The following SEC23A variants were observed in gnomAD, a reference collection of about 807,000 sequenced individuals.
SEC23A encodes protein transport protein Sec23A.
SEC23A carries 56 observed loss-of-function variants against 103.7 expected under a neutral mutation model. That is an observed-to-expected ratio of 0.54 (90% CI 0.44 to 0.67). SEC23A has a LOEUF of 0.67. Among genes scored for constraint, SEC23A ranks in the 30% least tolerant of loss-of-function variants. The pLI is 0.00. For missense variants in SEC23A, 784 were observed against 936.4 expected (o/e 0.84, Z 2.12); for synonymous variants, 281 against 293.0 (o/e 0.96, Z 0.42).
Position 39,075,995 on chromosome 14 carries a change from A to G in SEC23A, c.927T>C (p.Pro309=), listed in dbSNP as rs17108797. 0.059 allele frequency: 95,028 copies of G among 1,613,692 alleles called. 3,273 individuals carry two copies. Among genetic ancestry groups the G allele is most frequent in the Middle Eastern group, 0.069 (416 of 6,060 alleles). The part of the protein sequence containing the change: ...GMVVGDELKT[P]IRSWHDIDKD... Reference sequence around the variant, plus strand: ...TGTCAATGTCATGCCACGATCTTATAGGTGTCTTCAACTCATCTCCAACCA... The same window carrying G: ...TGTCAATGTCATGCCACGATCTTATGGGTGTCTTCAACTCATCTCCAACCA... Residue 309 remains proline, a synonymous_variant, in exon 8 of 20, where the codon CCT becomes CCC. Transcript: ENST00000307712.
At chr14:39,039,560 G>A in intron 18 of SEC23A, 1 of 158,122 alleles carries the variant, frequency 6.3e-6, no homozygotes, top group Non-Finnish European at 1.4e-5. Flanking sequence ...TACCCACTAT[G>A]GCTTATCATC....
chr14:39,038,136 T>C (rs1171346810), intron 19 of SEC23A, among the ~76,000 whole-genome samples: 6 of 152,224 alleles, frequency 3.9e-5, no homozygotes, highest in Non-Finnish European at 7.3e-5. Context: ...CAGCTCTGCA[T>C]GTAGTCTTTT....
chr14:39,093,538 T>C (rs1594485006), intron 2 of SEC23A, among the ~76,000 whole-genome samples: 1 of 152,178 alleles, frequency 6.6e-6, no homozygotes, highest in Non-Finnish European at 1.5e-5. Context: ...AGGCGGCAGA[T>C]GGCTTGAGTC....
intron 8 of SEC23A, among the ~76,000 whole-genome samples, chr14:39,075,549 T>TTA (rs1460341061): frequency 6.6e-6 from 1 of 152,212 alleles, no homozygotes; most frequent in African/African-American, 2.4e-5. Context: ...GATGGACTAT[T>TTA]TAAGCTATGA....
chr14:39,094,428 ATATATATATATATATTTTTTTT>A (rs1345738157), intron 2 of SEC23A, among the ~76,000 whole-genome samples: 849 of 46,652 alleles, frequency 0.018, 112 homozygotes, highest in Non-Finnish European at 0.022. Flanking sequence ...ATATATATAT[ATATATATATATATATTTTTTTT>A]TTTTTTTTTT....
rs1887793594 is a variant in SEC23A at position 39,094,395 on chromosome 14, CACATATATATATATATATATAT to C, written c.222-1173_222-1152del. 2.6e-3 allele frequency among the ~76,000 whole-genome samples: 29 copies of C among 11,096 alleles called. 2 individuals are homozygous for C. The highest frequency in any genetic ancestry group is 5.4e-3 in the African/African-American group (25 of 4,670). 7.3% of individuals were successfully genotyped at this position (11,096 alleles called of 152,430 possible). On this transcript the variant is annotated intron_variant, in intron 2 of 19. Transcript: ENST00000307712. ...ATATACACACACACACACACACACA[CACATATATATATATATATATAT>C]ATATATATATATATATATATATATA...
intron 9 of SEC23A, among the ~76,000 whole-genome samples, chr14:39,072,959 T>C (rs1186649125): frequency 6.6e-6 from 1 of 152,146 alleles, no homozygotes; most frequent in Non-Finnish European, 1.5e-5. Context: ...TAAGGACAGA[T>C]TACTATGTGA....
rs1273267985 is a variant in SEC23A, at chr14:39,066,007, A to AAAC, written c.1228-1015_1228-1014insGTT. Among the ~76,000 whole-genome samples the AAAC allele has an allele frequency of 1.3e-3, 41 of 30,402 alleles. 1 individual carries two copies. Among genetic ancestry groups the AAAC allele is most frequent in the East Asian group, 8.2e-3 (6 of 736 alleles). The allele number at this position is 30,402 out of a possible 152,430, so 19.9% of individuals were successfully genotyped here. On this transcript the variant is annotated intron_variant, in intron 10 of 19. Coordinates refer to ENST00000307712, the MANE Select transcript of SEC23A (RefSeq NM_006364.4). Reference sequence around the variant, plus strand: ...AGCGAAACTCCATCTCAAAAAAAAAAAAAAAAAAAAAAAAAAAAAAAAAAA... The same window carrying AAAC: ...AGCGAAACTCCATCTCAAAAAAAAAAAACAAAAAAAAAAAAAAAAAAAAAAAAA...
intron 2 of SEC23A, among the ~76,000 whole-genome samples, chr14:39,095,517 C>T (rs938414265): frequency 1.3e-5 from 2 of 152,026 alleles, no homozygotes; most frequent in African/African-American, 2.4e-5. Flanking sequence ...AGGCTGGTCT[C>T]GAACTCCTGA....
intron 7 of SEC23A, among the ~76,000 whole-genome samples, chr14:39,077,566 G>C (rs1887079364): frequency 6.6e-6 from 1 of 151,306 alleles, no homozygotes; most frequent in Non-Finnish European, 1.5e-5. Context: ...GAGAAAGAGA[G>C]ACAAAGATAG....
rs74970692 is a variant in SEC23A at position 39,085,176 on chromosome 14, G to A, written c.828+586C>T. ...AAAAGCCAAAAGAACACAGTTTGGA[G>A]AGCTTCCAGACAAATGAATATGTGG... On this transcript the variant is annotated intron_variant, in intron 7 of 19. Transcript: ENST00000307712. Among the ~76,000 whole-genome samples, 84 of 152,342 alleles carry A rather than the reference G, an allele frequency of 5.5e-4. 1 individual carries two copies. In the East Asian group the frequency reaches 0.012, roughly 22 times the overall value.
At chr14:39,075,365 A>G (rs1316366476) in intron 8 of SEC23A, among the ~76,000 whole-genome samples, 1 of 152,200 alleles carries the variant, frequency 6.6e-6, no homozygotes, top group African/African-American at 2.4e-5. Context: ...CTATCAAAAA[A>G]TACATGATAC....
intron 9 of SEC23A, among the ~76,000 whole-genome samples, chr14:39,070,253 G>C (rs1422484359): frequency 1.3e-5 from 2 of 152,210 alleles, no homozygotes; most frequent in Non-Finnish European, 2.9e-5. Context: ...ATATTTATTA[G>C]ATGAATGAAT....
intron 19 of SEC23A, among the ~76,000 whole-genome samples, chr14:39,034,611 T>A (rs74669618): frequency 6.6e-6 from 1 of 152,178 alleles, no homozygotes; most frequent in South Asian, 2.1e-4. Context: ...CCATCTCAAG[T>A]CACCCAATCT....
chr14:39,096,954 T>C (rs955928598), intron 1 of SEC23A, among the ~76,000 whole-genome samples: 1 of 152,214 alleles, frequency 6.6e-6, no homozygotes, highest in Non-Finnish European at 1.5e-5. Context: ...GGTAATTTTC[T>C]TATTGTGCAA....
At chr14:39,039,699 T>C (rs1210496858) in intron 18 of SEC23A, 1 of 152,598 alleles carries the variant, frequency 6.6e-6, no homozygotes, top group Non-Finnish European at 1.5e-5. Context: ...AAATTTAGTA[T>C]CATACAAAAT....
chr14:39,047,385 T>C (rs1240813981), intron 15 of SEC23A: 1 of 1,288,752 alleles, frequency 7.8e-7, no homozygotes, highest in South Asian at 1.2e-5. Context: ...AAGCAGACCT[T>C]GCCTTTTCCT....
At chr14:39,098,025 G>A (rs1887948382) in intron 1 of SEC23A, among the ~76,000 whole-genome samples, 1 of 151,984 alleles carries the variant, frequency 6.6e-6, no homozygotes, top group South Asian at 2.1e-4. Flanking sequence ...GGGGGCAGAG[G>A]TTGTGGTGAG....
intron 19 of SEC23A, among the ~76,000 whole-genome samples, chr14:39,035,067 C>T (rs1440352012): frequency 6.6e-6 from 1 of 152,020 alleles, no homozygotes; most frequent in African/African-American, 2.4e-5. Context: ...GGAGTTAGAC[C>T]TTGGTTAAAA....
Sources: gnomAD v4.1 joint callset for allele counts (sites outside exome capture counted in the v4.1 genomes callset) on GRCh38, gnomAD v4.1.1 for gene constraint, MANE v1.5 for transcripts, NCBI Gene and HGNC (gene_info 2026-07-23, HGNC 2026-07-21) for gene names.